SLC13A3: variants seen among roughly 807,000 people sequenced by gnomAD.
SLC13A3 encodes Na(+)/dicarboxylate cotransporter 3.
SLC13A3 carries 40 observed loss-of-function variants against 59.0 expected under a neutral mutation model. That is an observed-to-expected ratio of 0.68 (90% CI 0.53 to 0.88). The LOEUF is 0.88. Ranked by LOEUF, SLC13A3 falls within the 40% of genes least tolerant of loss-of-function variation. SLC13A3 has a pLI of 0.00. For synonymous variants in SLC13A3, 317 were observed against 330.3 expected (o/e 0.96, Z 0.44); for missense variants, 699 against 783.2 (o/e 0.89, Z 1.28).
intron 12 of SLC13A3, 99 bp downstream of exon 12, chr20:46,563,315 A>AC: frequency 7.4e-7 from 1 of 1,356,730 alleles, no homozygotes; most frequent in Non-Finnish European, 1.0e-6. Context: ...GAGACTGGGG[A>AC]GTGGGGTCAG....
rs1487298518 is a variant in SLC13A3, at chr20:46,571,171, G to A, written c.1332+4402C>T. Among the ~76,000 whole-genome samples, 3 of 152,166 alleles carry A rather than the reference G, an allele frequency of 2.0e-5. No homozygotes were observed. In the East Asian group the frequency reaches 5.8e-4, roughly 29 times the overall value. ...ACAGCATAAGGGTAACCGCCCCCAC[G>A]ATTAAATTACTTCCCACCAGGTCCC... On this transcript the variant is annotated intron_variant, in intron 10 of 12. Coordinates refer to ENST00000279027, the MANE Select transcript of SLC13A3 (RefSeq NM_022829.6).
intron 1 of SLC13A3, among the ~76,000 whole-genome samples, chr20:46,666,070 G>C (rs2063061183): frequency 6.6e-6 from 1 of 152,222 alleles, no homozygotes; most frequent in Admixed American, 6.5e-5. Context: ...AGGTCTTGCT[G>C]AAACTCTGAT....
Position 46,610,464 on chromosome 20 carries a change from C to T in SLC13A3, c.523G>A (p.Glu175Lys), listed in dbSNP as rs1376580474. Residue 175 changes from glutamate to lysine, a missense_variant, in exon 3 of 13, where the codon GAG (glutamate) becomes AAG (lysine). By Grantham distance (56) the Glu-to-Lys change is moderately conservative (BLOSUM62 1). Transcript: ENST00000279027. ...GCCTCACCTGTGTTCTCTTCACTCT[C>T]CTGGCTGGGGTCCTTTCGAACCTCC... The part of the protein sequence containing the change: ...QKEVRKDPSQ[E>K]SEENTAAVRR... The T allele has an allele frequency of 1.2e-6, 2 of 1,613,700 alleles. No individual in the cohort carries two copies. Among genetic ancestry groups the T allele is most frequent in the Admixed American group, 3.3e-5 (2 of 60,004 alleles).
At chr20:46,608,197 C>G (rs2062454960) in intron 3 of SLC13A3, among the ~76,000 whole-genome samples, 1 of 152,168 alleles carries the variant, frequency 6.6e-6, no homozygotes, top group South Asian at 2.1e-4. Context: ...GTGTGGCCTG[C>G]CAACTAGGAA....
intron 6 of SLC13A3, among the ~76,000 whole-genome samples, chr20:46,590,243 CAT>C (rs1727274199): frequency 6.6e-6 from 1 of 151,660 alleles, no homozygotes; most frequent in South Asian, 2.1e-4. Context: ...TAGAAGAAAA[CAT>C]ATGATTATTC....
At chr20:46,650,114 C>T (rs928415468) in intron 1 of SLC13A3, among the ~76,000 whole-genome samples, 1 of 152,182 alleles carries the variant, frequency 6.6e-6, no homozygotes, top group African/African-American at 2.4e-5. Context: ...CCTGGCTGGG[C>T]TGGGCAGGGC....
intron 1 of SLC13A3, among the ~76,000 whole-genome samples, chr20:46,667,303 G>T (rs2063067247): frequency 6.6e-6 from 1 of 152,138 alleles, no homozygotes; most frequent in Non-Finnish European, 1.5e-5. Flanking sequence ...CTAGAGAATT[G>T]GATTCATTGA....
At chr20:46,632,346 A>AG (rs1315612814) in intron 1 of SLC13A3, among the ~76,000 whole-genome samples, 4 of 152,192 alleles carry the variant, frequency 2.6e-5, no homozygotes, top group African/African-American at 9.6e-5. Context: ...TCAGGCACTC[A>AG]GGACTGGTGT....
In SLC13A3 at chr20:46,651,193, A is replaced by AG. The variant is rs951949193; in HGVS notation, c.111+117dup. ...CGGCAGGTGCAAGGGAGGGAAGGCGAGGGGGTCTGGTGGAGCCTGTCTACA... is the reference window on the plus strand; with the variant it reads ...CGGCAGGTGCAAGGGAGGGAAGGCGAGGGGGGTCTGGTGGAGCCTGTCTACA... On this transcript the variant is annotated intron_variant, in intron 1 of 12. Coordinates refer to ENST00000279027, the MANE Select transcript of SLC13A3 (RefSeq NM_022829.6). 5 of 1,351,000 alleles carry AG rather than the reference A, an allele frequency of 3.7e-6. No homozygotes were observed. In the African/African-American group the frequency reaches 6.2e-5, roughly 17 times the overall value. The allele number at this position is 1,351,000 out of a possible 1,614,324, so 83.7% of individuals were successfully genotyped here.
At chr20:46,612,826 G>C (rs1313963547) in intron 2 of SLC13A3, among the ~76,000 whole-genome samples, 2 of 152,088 alleles carry the variant, frequency 1.3e-5, no homozygotes, top group Non-Finnish European at 2.9e-5. Flanking sequence ...CAGAGTGCCC[G>C]AGGCTCTTTA....
chr20:46,600,311 G>GGA (rs1568929894), intron 3 of SLC13A3, among the ~76,000 whole-genome samples: 2 of 87,650 alleles, frequency 2.3e-5, no homozygotes, highest in Non-Finnish European at 4.5e-5. Context: ...AAGAAAGAAA[G>GGA]AGGGAAGGAA....
upstream of SLC13A3, among the ~76,000 whole-genome samples, chr20:46,674,285 G>C (rs533061302): frequency 3.3e-5 from 5 of 152,254 alleles, no homozygotes; most frequent in Non-Finnish European, 5.9e-5. Flanking sequence ...CAGACTGGAG[G>C]GGGGATTAGT....
At chr20:46,608,695 T>C in intron 3 of SLC13A3, 2 of 661,722 alleles carry the variant, frequency 3.0e-6, no homozygotes, top group Non-Finnish European at 4.8e-6. Flanking sequence ...ACTTAGATGG[T>C]ACACGGATCA....
intron 3 of SLC13A3, chr20:46,608,808 A>C (rs1218692110): frequency 1.4e-6 from 2 of 1,462,882 alleles, no homozygotes; most frequent in African/African-American, 2.8e-5. Flanking sequence ...TGTTGTGTTC[A>C]CTGAGGTAAA....
intron 12 of SLC13A3, among the ~76,000 whole-genome samples, chr20:46,562,486 C>A (rs2061939758): frequency 6.6e-6 from 1 of 152,136 alleles, no homozygotes; most frequent in African/African-American, 2.4e-5. Context: ...AGAGGGCTTC[C>A]CTGCCACCCC....
At chr20:46,650,429 G>C (rs1296767575) in intron 1 of SLC13A3, among the ~76,000 whole-genome samples, 7 of 152,098 alleles carry the variant, frequency 4.6e-5, no homozygotes, top group Admixed American at 2.0e-4. Context: ...TAAATAAAGT[G>C]ATACACAAAA....
chr20:46,641,025 G>A (rs1315651082), intron 1 of SLC13A3, among the ~76,000 whole-genome samples: 1 of 152,162 alleles, frequency 6.6e-6, no homozygotes, highest in Admixed American at 6.5e-5. Flanking sequence ...CTTGAGGGAT[G>A]GGGCAATGGG....
intron 5 of SLC13A3, among the ~76,000 whole-genome samples, chr20:46,593,591 A>G (rs1180821738): frequency 6.6e-6 from 1 of 152,204 alleles, no homozygotes; most frequent in Non-Finnish European, 1.5e-5. Flanking sequence ...ATAATTAGAC[A>G]AAATAAAAAT....
chr20:46,624,186 T>G (rs1315132566), intron 1 of SLC13A3, among the ~76,000 whole-genome samples: 1 of 152,184 alleles, frequency 6.6e-6, no homozygotes, highest in Non-Finnish European at 1.5e-5. Flanking sequence ...ACCCCATCCT[T>G]CTAGTTCTGG....
Sources: allele counts gnomAD v4.1 joint callset (sites outside exome capture counted in the v4.1 genomes callset), GRCh38; gene constraint gnomAD v4.1.1; transcripts MANE v1.5; gene names NCBI Gene and HGNC (gene_info 2026-07-23, HGNC 2026-07-21).